ANKS1B: variants seen among roughly 807,000 people sequenced by gnomAD.
ANKS1B encodes ankyrin repeat and sterile alpha motif domain-containing protein 1B.
ANKS1B carries 36 observed loss-of-function variants against 148.3 expected under a neutral mutation model. The observed-to-expected ratio is 0.24, with a 90% CI of 0.19 to 0.32. The LOEUF (loss-of-function observed/expected upper bound fraction) is 0.32, where lower values mean the gene tolerates loss of function less well. Ranked by LOEUF, ANKS1B falls within the 10% of genes least tolerant of loss-of-function variation. The pLI is 1.00. For missense variants in ANKS1B, 1,157 were observed against 1,542.6 expected (o/e 0.75, Z 4.19); for synonymous variants, 542 against 560.8 (o/e 0.97, Z 0.47).
chr12:98,771,171 A>T (rs1370696425), intron 25 of ANKS1B, among the ~76,000 whole-genome samples: 1 of 152,080 alleles, frequency 6.6e-6, no homozygotes, highest in African/African-American at 2.4e-5. Context: ...TGTCATTACA[A>T]GACCAACTTT....
At chr12:99,700,237 G>A (rs1327879401) in intron 8 of ANKS1B, among the ~76,000 whole-genome samples, 3 of 152,110 alleles carry the variant, frequency 2.0e-5, no homozygotes, top group Non-Finnish European at 4.4e-5. Context: ...TCAGCCAAGT[G>A]CTTGGAATGA....
intron 15 of ANKS1B, among the ~76,000 whole-genome samples, chr12:99,107,518 C>T (rs1016908912): frequency 6.6e-6 from 1 of 152,162 alleles, no homozygotes; most frequent in African/African-American, 2.4e-5. Flanking sequence ...ATCTGGCATT[C>T]CTTTTTGGAA....
At chr12:99,296,781 T>C (rs1280729048) in intron 12 of ANKS1B, among the ~76,000 whole-genome samples, 1 of 152,176 alleles carries the variant, frequency 6.6e-6, no homozygotes, top group Non-Finnish European at 1.5e-5. Flanking sequence ...ATACTAAATA[T>C]TTGTCGAATG....
At chr12:99,027,899 T>G (rs1012181198) in intron 17 of ANKS1B, among the ~76,000 whole-genome samples, 1 of 152,250 alleles carries the variant, frequency 6.6e-6, no homozygotes, top group African/African-American at 2.4e-5. Context: ...ACTTTAAAAA[T>G]GTCATTTGTT....
intron 17 of ANKS1B, among the ~76,000 whole-genome samples, chr12:98,981,366 C>G (rs12372324): frequency 6.6e-6 from 1 of 151,970 alleles, no homozygotes; most frequent in Non-Finnish European, 1.5e-5. Context: ...GGCAGAGTCT[C>G]ACTCTGTCGC....
chr12:99,424,948 C>G (rs184649456), intron 11 of ANKS1B, among the ~76,000 whole-genome samples: 117 of 152,068 alleles, frequency 7.7e-4, no homozygotes, highest in African/African-American at 2.7e-3. Context: ...AAGGCAAAAG[C>G]CAACCTGTAA....
chr12:98,885,451 C>T (rs921637957), intron 17 of ANKS1B, among the ~76,000 whole-genome samples: 12 of 152,108 alleles, frequency 7.9e-5, no homozygotes, highest in African/African-American at 2.7e-4. Flanking sequence ...AGTGAACATC[C>T]TTATGTTTCC....
At chr12:99,817,225 C>T (rs2081989328) in intron 2 of ANKS1B, among the ~76,000 whole-genome samples, 1 of 150,360 alleles carries the variant, frequency 6.7e-6, no homozygotes. Flanking sequence ...CCATGAGATC[C>T]CCTTTTTTTT....
At chr12:99,008,958 G>C (rs1484655712) in intron 17 of ANKS1B, among the ~76,000 whole-genome samples, 3 of 152,188 alleles carry the variant, frequency 2.0e-5, no homozygotes, top group East Asian at 1.9e-4. Context: ...ATGTTTGCTA[G>C]TATCTGGACC....
At chr12:99,367,296 A>G (rs929374111) in intron 12 of ANKS1B, among the ~76,000 whole-genome samples, 2 of 152,180 alleles carry the variant, frequency 1.3e-5, no homozygotes, top group Non-Finnish European at 2.9e-5. Context: ...ATGGCCCCTG[A>G]GCACCTAAAA....
At chr12:99,081,010 C>T (rs1167117794) in intron 16 of ANKS1B, among the ~76,000 whole-genome samples, 1 of 152,110 alleles carries the variant, frequency 6.6e-6, no homozygotes, top group Non-Finnish European at 1.5e-5. Flanking sequence ...GATAATTAAG[C>T]TTTACAAAAG....
intron 19 of ANKS1B, among the ~76,000 whole-genome samples, chr12:98,820,768 T>C (rs897414320): frequency 5.3e-5 from 8 of 152,172 alleles, no homozygotes; most frequent in Non-Finnish European, 1.2e-4. Context: ...GGTTATAACA[T>C]GAATAGGAGC....
intron 17 of ANKS1B, among the ~76,000 whole-genome samples, chr12:98,970,845 G>A (rs2099882523): frequency 2.0e-5 from 3 of 152,120 alleles, no homozygotes; most frequent in Admixed American, 2.0e-4. Context: ...AGCAGCAAAA[G>A]TACTTTTTAA....
chr12:98,960,312 T>C (rs1163047600), intron 17 of ANKS1B, among the ~76,000 whole-genome samples: 1 of 152,068 alleles, frequency 6.6e-6, no homozygotes, highest in African/African-American at 2.4e-5. Context: ...GCCATTTGTT[T>C]GGGAGAAAGT....
chr12:98,956,279 C>T (rs922856994), intron 17 of ANKS1B: 9 of 152,412 alleles, frequency 5.9e-5, no homozygotes, highest in African/African-American at 2.2e-4. Context: ...TCTCCCCCCT[C>T]CGTCTTCACT....
intron 17 of ANKS1B, among the ~76,000 whole-genome samples, chr12:99,050,690 CTTTTTTT>C (rs62812561): frequency 7.9e-5 from 9 of 113,590 alleles, no homozygotes; most frequent in East Asian, 5.3e-4. Flanking sequence ...TTTTCTTTTT[CTTTTTTT>C]TTTTTTTTTT....
In ANKS1B at chr12:99,677,534, T is replaced by G. The variant is rs762405816; in HGVS notation, c.1129-22324A>C. 1.1e-4 allele frequency among the ~76,000 whole-genome samples: 16 copies of G among 152,336 alleles called. 1 individual carries two copies. The South Asian group carries it at 1.5e-3, about 14-fold the overall frequency. ...TAATTAGATTCTCTTTTAAAACTAC[T>G]AGGACTTTGAAGTAAAATAATGTCT... On this transcript the variant is annotated intron_variant, in intron 8 of 26. Coordinates refer to ENST00000683438, the MANE Select transcript of ANKS1B (RefSeq NM_001352186.2).
intron 9 of ANKS1B, among the ~76,000 whole-genome samples, chr12:99,589,196 G>T (rs756150694): frequency 9.2e-5 from 14 of 152,180 alleles, no homozygotes; most frequent in Admixed American, 2.6e-4. Flanking sequence ...GATTTCCAAG[G>T]CCTTTTCAAA....
intron 9 of ANKS1B, among the ~76,000 whole-genome samples, chr12:99,556,617 T>C (rs181510606): frequency 2.0e-5 from 3 of 152,212 alleles, no homozygotes; most frequent in African/African-American, 7.2e-5. Context: ...GCTTTAGCTA[T>C]GTCCCAGAGA....
Sources: allele counts gnomAD v4.1 joint callset (sites outside exome capture counted in the v4.1 genomes callset), GRCh38; gene constraint gnomAD v4.1.1; transcripts MANE v1.5; gene names NCBI Gene and HGNC (gene_info 2026-07-23, HGNC 2026-07-21).